The following STT3B variants were observed in gnomAD, a reference collection of about 807,000 sequenced individuals.
STT3B encodes the protein STT3 oligosaccharyltransferase complex catalytic subunit B, also known as dolichyl-diphosphooligosaccharide--protein glycosyltransferase subunit STT3B.
A neutral mutation model predicts 96.8 loss-of-function variants in STT3B; 29 were observed. The observed-to-expected ratio is 0.30, with a 90% CI of 0.22 to 0.41. The LOEUF is 0.41. Ranked by LOEUF, STT3B falls within the 10% of genes least tolerant of loss-of-function variation. The probability of loss-of-function intolerance (pLI) is 1.00; values close to 1 mark genes in which losing one functional copy is unlikely to be tolerated. For synonymous variants in STT3B, 367 were observed against 360.0 expected (o/e 1.02, Z -0.22); for missense variants, 640 against 1,022.3 (o/e 0.63, Z 5.10).
chr3:31,574,739 A>G (rs746140790), intron 1 of STT3B, among the ~76,000 whole-genome samples: 122 of 152,096 alleles, frequency 8.0e-4, no homozygotes, highest in Non-Finnish European at 6.2e-4. Flanking sequence ...CTTATTAGCA[A>G]TCCAGTGGTT....
At chr3:31,557,019 C>T (rs1231677159) in intron 1 of STT3B, among the ~76,000 whole-genome samples, 1 of 152,038 alleles carries the variant, frequency 6.6e-6, no homozygotes, top group Non-Finnish European at 1.5e-5. Context: ...AGTTTGGGAT[C>T]TTATGTTTAA....
intron 11 of STT3B, among the ~76,000 whole-genome samples, chr3:31,624,288 CCTTT>C (rs1203984811): frequency 2.0e-5 from 3 of 152,214 alleles, no homozygotes; most frequent in Admixed American, 2.0e-4. Flanking sequence ...TTTGAATCTA[CCTTT>C]CTTTGTCCTC....
intron 3 of STT3B, among the ~76,000 whole-genome samples, chr3:31,595,552 C>G (rs1003476558): frequency 6.6e-6 from 1 of 152,146 alleles, no homozygotes; most frequent in African/African-American, 2.4e-5. Context: ...ATACCTACCT[C>G]TATTATAACA....
chr3:31,605,058 C>T (rs1699018068), intron 5 of STT3B, among the ~76,000 whole-genome samples: 1 of 152,078 alleles, frequency 6.6e-6, no homozygotes, highest in Admixed American at 6.5e-5. Flanking sequence ...CAAAAAAATA[C>T]TATTTAAGTG....
intron 1 of STT3B, among the ~76,000 whole-genome samples, chr3:31,570,430 T>A (rs193090125): frequency 6.6e-6 from 1 of 152,220 alleles, no homozygotes; most frequent in East Asian, 1.9e-4. Flanking sequence ...AGAGAAGACT[T>A]CTTATAAAAT....
intron 1 of STT3B, among the ~76,000 whole-genome samples, chr3:31,541,454 C>CTT (rs1175760486): frequency 8.2e-6 from 1 of 121,378 alleles, no homozygotes; most frequent in African/African-American, 3.1e-5. Flanking sequence ...GCTTTTGTGT[C>CTT]TTTTTTTTTC....
At chr3:31,632,861 A>G in intron 14 of STT3B, 74 bp from the exon 15 acceptor site, 5 of 1,298,252 alleles carry the variant, frequency 3.9e-6, no homozygotes, top group Non-Finnish European at 4.4e-6. Context: ...TACTGTAATG[A>G]TAACACTTAC....
At chr3:31,598,923 C>T (rs963254695) in intron 4 of STT3B, among the ~76,000 whole-genome samples, 3 of 151,998 alleles carry the variant, frequency 2.0e-5, no homozygotes, top group Non-Finnish European at 2.9e-5. Context: ...GATTCTCCTG[C>T]CTCAGCCTCC....
At position 31,595,529 on chromosome 3, in the gene STT3B, CAGTT is replaced by C. The variant is rs1022969262; in HGVS notation, c.712-1264_712-1261del. ...TGTTACTCTCATTTCTGTTTTCATG[CAGTT>C]AGTTTCTGATACCTACCTCTATTAT... On this transcript the variant is annotated intron_variant, in intron 3 of 15. Coordinates refer to ENST00000295770, the MANE Select transcript of STT3B (RefSeq NM_178862.3). 5.3e-5 allele frequency among the ~76,000 whole-genome samples: 8 copies of C among 152,048 alleles called. No individual in the cohort carries two copies. In the East Asian group the frequency reaches 1.5e-3, roughly 29 times the overall value.
intron 1 of STT3B, among the ~76,000 whole-genome samples, chr3:31,561,000 G>A (rs938227064): frequency 1.3e-5 from 2 of 151,890 alleles, no homozygotes; most frequent in Admixed American, 1.3e-4. Flanking sequence ...TCTAAGTTCT[G>A]AGAGTTTTCT....
At chr3:31,540,176 G>A (rs1407036463) in intron 1 of STT3B, among the ~76,000 whole-genome samples, 1 of 152,096 alleles carries the variant, frequency 6.6e-6, no homozygotes, top group African/African-American at 2.4e-5. Flanking sequence ...TATCGTAAAT[G>A]TTGACAATTC....
At chr3:31,549,688 CAT>C (rs1332955140) in intron 1 of STT3B, among the ~76,000 whole-genome samples, 1 of 151,866 alleles carries the variant, frequency 6.6e-6, no homozygotes, top group South Asian at 2.1e-4. Context: ...AATGCATAAT[CAT>C]ATGTCTAATT....
intron 1 of STT3B, 27 bp downstream of exon 1, chr3:31,533,339 C>T (rs1437348827): frequency 1.3e-6 from 2 of 1,486,266 alleles, no homozygotes; most frequent in Non-Finnish European, 1.8e-6. Flanking sequence ...CCCTCCCCCG[C>T]CCGTGGCCCG....
At position 31,610,806 on chromosome 3, in the gene STT3B, C is replaced by T. The variant is rs570014851; in HGVS notation, c.878-4299C>T. 1.7e-3 allele frequency among the ~76,000 whole-genome samples: 263 copies of T among 152,128 alleles called. 2 individuals are homozygous for T. The highest frequency in any genetic ancestry group is 5.8e-3 in the African/African-American group (240 of 41,508). ...ATATATGTGTGTGTATATGTATATACATATCTTTCTAATGGTAATTTTTTG... is the reference window on the plus strand; with the variant it reads ...ATATATGTGTGTGTATATGTATATATATATCTTTCTAATGGTAATTTTTTG... On this transcript the variant is annotated intron_variant, in intron 5 of 15. Coordinates refer to ENST00000295770, the MANE Select transcript of STT3B (RefSeq NM_178862.3).
chr3:31,546,372 T>C (rs1363548118), intron 1 of STT3B, among the ~76,000 whole-genome samples: 2 of 152,200 alleles, frequency 1.3e-5, no homozygotes, highest in Admixed American at 1.3e-4. Context: ...GAGAGTCATC[T>C]GGAATCTTGT....
intron 3 of STT3B, among the ~76,000 whole-genome samples, chr3:31,587,789 C>A (rs1698576180): frequency 6.6e-6 from 1 of 152,046 alleles, no homozygotes; most frequent in South Asian, 2.1e-4. Flanking sequence ...ATAAGAATTG[C>A]ACAGAGTTTT....
At chr3:31,608,145 A>T (rs1447987338) in intron 5 of STT3B, among the ~76,000 whole-genome samples, 1 of 152,144 alleles carries the variant, frequency 6.6e-6, no homozygotes, top group Non-Finnish European at 1.5e-5. Context: ...TTTACTGTTT[A>T]TTGTACCTTC....
intron 3 of STT3B, among the ~76,000 whole-genome samples, chr3:31,586,695 C>T (rs1698545943): frequency 6.6e-6 from 1 of 152,046 alleles, no homozygotes; most frequent in South Asian, 2.1e-4. Context: ...TGAATATATA[C>T]ATATGGGTCT....
At chr3:31,601,060 C>G (rs929657557) in intron 5 of STT3B, among the ~76,000 whole-genome samples, 1 of 152,036 alleles carries the variant, frequency 6.6e-6, no homozygotes, top group Non-Finnish European at 1.5e-5. Context: ...TAATACAATT[C>G]TATTATAATA....
Sources: gnomAD v4.1 joint callset for allele counts (sites outside exome capture counted in the v4.1 genomes callset) on GRCh38, gnomAD v4.1.1 for gene constraint, MANE v1.5 for transcripts, NCBI Gene and HGNC (gene_info 2026-07-23, HGNC 2026-07-21) for gene names.